Variants in PCDHA1 observed in about 807,000 individuals in gnomAD.
PCDHA1 encodes the protein protocadherin alpha 1, also known as protocadherin alpha-1.
Under a neutral mutation model 61.3 loss-of-function variants are expected in PCDHA1, and 42 were observed. The ratio of observed to expected loss-of-function variants is 0.69; its 90% confidence interval spans 0.54 to 0.89. The LOEUF is 0.89. Ranked by LOEUF, PCDHA1 falls within the 40% of genes least tolerant of loss-of-function variation. The probability of loss-of-function intolerance (pLI) is 0.00; values close to 1 mark genes in which losing one functional copy is unlikely to be tolerated. For synonymous variants in PCDHA1, 610 were observed against 553.8 expected, an observed-to-expected ratio of 1.10 and a Z score of -1.43; for missense variants, 1,256 against 1,235.3, an observed-to-expected ratio of 1.02 and a Z score of -0.25.
chr5:140,866,420 T>C (rs2049348301), intron 1 of PCDHA1: 1 of 152,148 alleles, frequency 6.6e-6, no homozygotes, highest in African/African-American at 2.4e-5. Context: ...CAAATGTGTG[T>C]AGGTCTTTCA....
chr5:140,869,835 A>G (rs782478328), intron 1 of PCDHA1: 160 of 1,611,656 alleles, frequency 9.9e-5, no homozygotes, highest in Non-Finnish European at 1.3e-4. Context: ...AGTTTGATAA[A>G]TCAGAATATA....
chr5:141,011,501 A>G lies in PCDHA1; in HGVS notation c.*1564A>G, dbSNP rs548038544. ...ATATTTCCTTTTGTACACCTGTGAA[A>G]AAGTGGAGTAGTGTTTTTTTAACCA... On this transcript the variant is annotated 3_prime_UTR_variant, in exon 4 of 4. Coordinates refer to ENST00000504120, the MANE Select transcript of PCDHA1 (RefSeq NM_018900.4). 1.3e-5 allele frequency: 2 copies of G among 153,894 alleles called. No individual in the cohort carries two copies. Among genetic ancestry groups the G allele is most frequent in the African/African-American group, 4.8e-5 (2 of 41,578 alleles). 9.5% of individuals were successfully genotyped at this position (153,894 alleles called of 1,614,324 possible).
intron 1 of PCDHA1, chr5:140,865,066 G>A (rs1299001288): frequency 1.3e-5 from 2 of 152,140 alleles, no homozygotes; most frequent in African/African-American, 4.8e-5. Flanking sequence ...AATAACTTAA[G>A]TATAAGAACC....
chr5:140,863,047 C>T, intron 1 of PCDHA1: 1 of 560,864 alleles, frequency 1.8e-6, no homozygotes. Context: ...TGTCAGCTGG[C>T]AGCACCCGTT....
intron 1 of PCDHA1, among the ~76,000 whole-genome samples, chr5:140,887,453 T>C (rs2061454477): frequency 6.6e-6 from 1 of 152,178 alleles, no homozygotes; most frequent in Non-Finnish European, 1.5e-5. Flanking sequence ...TGACAGTTTT[T>C]TAAAAGATAT....
At chr5:140,883,945 C>T in intron 1 of PCDHA1, 1 of 1,613,378 alleles carries the variant, frequency 6.2e-7, no homozygotes, top group Non-Finnish European at 8.5e-7. Context: ...TGGACGAGAA[C>T]GACAACGCTC....
At chr5:140,796,402 T>C (rs1377468953) in intron 1 of PCDHA1, 4 of 1,613,622 alleles carry the variant, frequency 2.5e-6, no homozygotes, top group African/African-American at 1.3e-5. Flanking sequence ...GGTGTCAGCG[T>C]GGGATGCGGA....
chr5:140,808,535 G>T (rs1554124622), intron 1 of PCDHA1: 1 of 1,614,180 alleles, frequency 6.2e-7, no homozygotes, highest in South Asian at 1.1e-5. Flanking sequence ...TGATGTGAAC[G>T]ACAACGCTCC....
chr5:140,792,828 A>G (rs1209659406), intron 1 of PCDHA1, among the ~76,000 whole-genome samples: 1 of 152,214 alleles, frequency 6.6e-6, no homozygotes, highest in Non-Finnish European at 1.5e-5. Context: ...TTGCAACTAC[A>G]TAATGCTGTA....
intron 1 of PCDHA1, among the ~76,000 whole-genome samples, chr5:140,957,165 A>G (rs2095338056): frequency 6.6e-6 from 1 of 152,190 alleles, no homozygotes; most frequent in Non-Finnish European, 1.5e-5. Context: ...AAATCTAAGT[A>G]TATAAATTGG....
At chr5:140,895,138 G>C (rs782496234) in intron 1 of PCDHA1, among the ~76,000 whole-genome samples, 14 of 151,944 alleles carry the variant, frequency 9.2e-5, no homozygotes, top group Non-Finnish European at 1.8e-4. Flanking sequence ...AAGTTCATAG[G>C]GCTAAGACAG....
intron 1 of PCDHA1, chr5:140,850,325 G>A (rs1554144196): frequency 2.5e-6 from 4 of 1,597,604 alleles, no homozygotes; most frequent in Non-Finnish European, 1.7e-6. Context: ...TTTCATACGA[G>A]CTGCAGCCAG....
At chr5:140,869,098 T>C (rs1581867822) in intron 1 of PCDHA1, 7 of 1,596,122 alleles carry the variant, frequency 4.4e-6, no homozygotes, top group Non-Finnish European at 5.1e-6. Flanking sequence ...GCCAATTTCG[T>C]ATGCGATGTT....
intron 1 of PCDHA1, chr5:140,870,277 G>C: frequency 6.2e-7 from 1 of 1,614,168 alleles, no homozygotes; most frequent in South Asian, 1.1e-5. Flanking sequence ...GACGCCCCAC[G>C]TTCCCTTCAA....
At chr5:140,871,120 C>G (rs1554165154) in intron 1 of PCDHA1, 1 of 1,613,342 alleles carries the variant, frequency 6.2e-7, no homozygotes, top group Non-Finnish European at 8.5e-7. Flanking sequence ...GGAGAGCGGA[C>G]AGGCGCCAAA....
intron 1 of PCDHA1, among the ~76,000 whole-genome samples, chr5:140,838,081 T>TA (rs1554136867): frequency 2.0e-3 from 27 of 13,358 alleles, no homozygotes; most frequent in Middle Eastern, 0.036. Flanking sequence ...ATATATAGTG[T>TA]GTGTGTGTGT....
At chr5:140,812,541 A>G (rs1223696277) in intron 1 of PCDHA1, 2 of 150,840 alleles carry the variant, frequency 1.3e-5, no homozygotes, top group Non-Finnish European at 3.0e-5. Context: ...CTTTTTTTCT[A>G]GTTCCTTGAG....
intron 1 of PCDHA1, chr5:140,816,386 T>C (rs1379079395): frequency 6.6e-6 from 1 of 152,250 alleles, no homozygotes; most frequent in African/African-American, 2.4e-5. Context: ...GCTGAAATTC[T>C]GATTCTGCTT....
intron 1 of PCDHA1, among the ~76,000 whole-genome samples, chr5:140,901,673 A>G (rs964267221): frequency 6.6e-6 from 1 of 152,056 alleles, no homozygotes; most frequent in Admixed American, 6.6e-5. Context: ...AGATACCTTT[A>G]GGTATTATGG....
Sources: allele counts gnomAD v4.1 joint callset (sites outside exome capture counted in the v4.1 genomes callset), GRCh38; gene constraint gnomAD v4.1.1; transcripts MANE v1.5; gene names NCBI Gene and HGNC (gene_info 2026-07-23, HGNC 2026-07-21).